Variants in TBXAS1 observed in about 807,000 individuals in gnomAD.
TBXAS1 encodes thromboxane A synthase 1, also known as thromboxane-A synthase.
A neutral mutation model predicts 60.7 loss-of-function variants in TBXAS1; 48 were observed. The observed-to-expected ratio is 0.79, with a 90% CI of 0.63 to 1.01. The LOEUF (loss-of-function observed/expected upper bound fraction) is 1.01, where lower values mean the gene tolerates loss of function less well. Ranked by LOEUF, TBXAS1 falls within the 50% of genes least tolerant of loss-of-function variation. The pLI, the probability that TBXAS1 is intolerant of heterozygous loss-of-function variation, is 0.00. For missense variants in TBXAS1, 685 were observed against 686.3 expected (o/e 1.00, Z 0.02); for synonymous variants, 287 against 269.7 (o/e 1.06, Z -0.63).
chr7:139,796,852 C>T (rs1797585504), intron 4 of TBXAS1, among the ~76,000 whole-genome samples: 1 of 152,158 alleles, frequency 6.6e-6, no homozygotes, highest in Non-Finnish European at 1.5e-5. Context: ...TGGCTGCAGC[C>T]TCTAATGACC....
intron 8 of TBXAS1, among the ~76,000 whole-genome samples, chr7:139,960,824 A>T (rs1279762451): frequency 6.6e-6 from 1 of 152,200 alleles, no homozygotes; most frequent in Non-Finnish European, 1.5e-5. Flanking sequence ...AACTGAGAAA[A>T]TGCTGCAGCT....
At chr7:139,800,106 C>T (rs145073107) in intron 4 of TBXAS1, among the ~76,000 whole-genome samples, 92 of 152,308 alleles carry the variant, frequency 6.0e-4, no homozygotes, top group African/African-American at 1.9e-3. Context: ...TAGTTTAGGG[C>T]AATGCCACCC....
At chr7:139,834,743 A>G (rs1273673495) in intron 1 of TBXAS1, among the ~76,000 whole-genome samples, 1 of 152,186 alleles carries the variant, frequency 6.6e-6, no homozygotes, top group East Asian at 1.9e-4. Context: ...ATTCCTGGAA[A>G]AATACAATCC....
At chr7:139,967,924 C>T (rs550674628) in intron 9 of TBXAS1, among the ~76,000 whole-genome samples, 47 of 152,170 alleles carry the variant, frequency 3.1e-4, no homozygotes, top group Non-Finnish European at 6.2e-4. Flanking sequence ...GGTATAAGTC[C>T]GGCAGTGCCT....
intron 4 of TBXAS1, among the ~76,000 whole-genome samples, chr7:139,930,329 G>A (rs1250737555): frequency 6.6e-6 from 1 of 152,164 alleles, no homozygotes; most frequent in Admixed American, 6.5e-5. Flanking sequence ...TGTTCACAGA[G>A]GTATCCTCAG....
chr7:139,936,720 A>G (rs529096416), intron 5 of TBXAS1, among the ~76,000 whole-genome samples: 1 of 152,346 alleles, frequency 6.6e-6, no homozygotes, highest in East Asian at 1.9e-4. Flanking sequence ...CTGCATTTAT[A>G]ACACCCGGCC....
intron 4 of TBXAS1, among the ~76,000 whole-genome samples, chr7:139,813,117 A>G (rs982258828): frequency 8.9e-6 from 1 of 111,966 alleles, no homozygotes; most frequent in Non-Finnish European, 2.2e-5. Context: ...ATAAAATAAA[A>G]TAAAATAAAA....
rs147019885 is a variant in TBXAS1, at chr7:139,785,585, G to A, written c.-168-1753G>A. Among the ~76,000 whole-genome samples, 8 of 151,940 alleles carry A rather than the reference G, an allele frequency of 5.3e-5. No individual in the cohort carries two copies. The East Asian group carries it at 5.8e-4, about 11-fold the overall frequency. ...CCCTACCTCCTCCTTGGACTGCTGC[G>A]CTATTTTTTTAACAGATGTCCCTGA... On this transcript the variant is annotated intron_variant, in intron 3 of 16. Transcript: ENST00000336425.
At chr7:139,946,906 G>A (rs1808766481) in intron 5 of TBXAS1, among the ~76,000 whole-genome samples, 1 of 152,210 alleles carries the variant, frequency 6.6e-6, no homozygotes, top group Non-Finnish European at 1.5e-5. Context: ...TATTTGCTAT[G>A]CTTGGGGCAA....
intron 4 of TBXAS1, among the ~76,000 whole-genome samples, chr7:139,794,539 G>C (rs1271225887): frequency 6.7e-6 from 1 of 149,476 alleles, no homozygotes; most frequent in Non-Finnish European, 1.5e-5. Flanking sequence ...TATACTTTAA[G>C]TTTTAAGGTA....
At chr7:139,967,194 G>C (rs1161573118) in intron 9 of TBXAS1, among the ~76,000 whole-genome samples, 1 of 152,084 alleles carries the variant, frequency 6.6e-6, no homozygotes, top group Admixed American at 6.5e-5. Flanking sequence ...CACACAACTG[G>C]GCCACACCCA....
chr7:139,947,175 C>G (rs1481507499), intron 5 of TBXAS1, among the ~76,000 whole-genome samples: 1 of 151,958 alleles, frequency 6.6e-6, no homozygotes, highest in African/African-American at 2.4e-5. Context: ...TGGTGCCCAT[C>G]AATGACAGAC....
At chr7:140,003,445 T>C (rs1197579415) in intron 9 of TBXAS1, among the ~76,000 whole-genome samples, 1 of 152,134 alleles carries the variant, frequency 6.6e-6, no homozygotes, top group African/African-American at 2.4e-5. Flanking sequence ...CCTCAGGTGA[T>C]CCACCCACCT....
At chr7:139,821,148 A>G (rs1305753096) in intron 4 of TBXAS1, among the ~76,000 whole-genome samples, 1 of 152,220 alleles carries the variant, frequency 6.6e-6, no homozygotes. Flanking sequence ...GAGAGAAGTC[A>G]AGGATGATCC....
intron 1 of TBXAS1, among the ~76,000 whole-genome samples, chr7:139,833,412 G>A (rs896675641): frequency 2.6e-5 from 4 of 151,188 alleles, no homozygotes; most frequent in African/African-American, 7.3e-5. Flanking sequence ...GCCGGGCGTG[G>A]TGGCTCATGC....
chr7:139,863,498 A>G (rs867593055), intron 1 of TBXAS1, among the ~76,000 whole-genome samples: 8 of 152,214 alleles, frequency 5.3e-5, no homozygotes, highest in South Asian at 2.1e-4. Context: ...TGTAACTCCA[A>G]CATATCTGTT....
At chr7:139,982,177 A>T (rs569943484) in intron 9 of TBXAS1, among the ~76,000 whole-genome samples, 12 of 152,382 alleles carry the variant, frequency 7.9e-5, no homozygotes, top group African/African-American at 2.9e-4. Flanking sequence ...GGACATACTT[A>T]TACTAAAAAG....
chr7:139,853,132 C>T (rs900763141), intron 1 of TBXAS1, among the ~76,000 whole-genome samples: 1 of 151,934 alleles, frequency 6.6e-6, no homozygotes, highest in Non-Finnish European at 1.5e-5. Flanking sequence ...TTTATCTGTC[C>T]TTATTTCAAG....
rs1020448918 is a variant in TBXAS1 at position 140,015,851 on chromosome 7, A to G, written c.1355A>G (p.Asn452Ser). The change falls in exon 11 of 13, where the codon AAC (asparagine) becomes AGC (serine). Residue 452 changes from asparagine to serine, a missense_variant. By Grantham distance (46) the Asn-to-Ser change is conservative. Transcript: ENST00000448866. ...PEHWPSPETF[N>S]PERFTAEARQ... Reference sequence around the variant, plus strand: ...CACTGGCCAAGCCCGGAGACCTTCAACCCTGAAAGGTGAGTACTGCCCCTT... The same window carrying G: ...CACTGGCCAAGCCCGGAGACCTTCAGCCCTGAAAGGTGAGTACTGCCCCTT... 9 of 1,613,696 alleles carry G rather than the reference A, an allele frequency of 5.6e-6. No homozygotes were observed. Among genetic ancestry groups the G allele is most frequent in the Non-Finnish European group, 7.6e-6 (9 of 1,180,032 alleles).
Sources: allele counts gnomAD v4.1 joint callset (sites outside exome capture counted in the v4.1 genomes callset), GRCh38; gene constraint gnomAD v4.1.1; transcripts MANE v1.5; gene names NCBI Gene and HGNC (gene_info 2026-07-23, HGNC 2026-07-21).